SAPCD1: variants seen among roughly 807,000 people sequenced by gnomAD.
SAPCD1 encodes suppressor APC domain containing 1.
A neutral mutation model predicts 20.7 loss-of-function variants in SAPCD1; 16 were observed. The observed-to-expected ratio is 0.77, with a 90% CI of 0.52 to 1.17. SAPCD1 has a LOEUF of 1.17. Ranked by LOEUF, SAPCD1 falls within the 50% of genes most tolerant of loss-of-function variation. The pLI, the probability that SAPCD1 is intolerant of heterozygous loss-of-function variation, is 0.00. For missense variants in SAPCD1, 173 were observed against 209.9 expected (o/e 0.82, Z 1.09); for synonymous variants, 77 against 84.8 (o/e 0.91, Z 0.50).
In SAPCD1 at chr6:31,764,102, C is replaced by G. The variant is rs1236524662; in HGVS notation, c.294C>G (p.Pro98=). Residue 98 remains proline, a synonymous_variant, in exon 3 of 5, where the codon CCC becomes CCG. Coordinates refer to ENST00000415669, the Ensembl canonical transcript of SAPCD1. This position sits in a 1 kb window ranked among gnomAD's most constrained non-coding sequence, Gnocchi z 4.7. ...ATTTACACTCAGAGCCTGGTCGCCC[C>G]CCGTTAGCCCAGATTCAAAAGGTGA... 1.9e-6 allele frequency: 3 copies of G among 1,613,872 alleles called. No homozygotes were observed. The highest frequency in any genetic ancestry group is 8.5e-7 in the Non-Finnish European group (1 of 1,179,802).
chr6:31,763,342 G>A lies in SAPCD1; in HGVS notation c.115-73G>A. 1.9e-6 allele frequency: 3 copies of A among 1,589,672 alleles called. 1 individual carries two copies. The highest frequency in any genetic ancestry group is 8.6e-7 in the Non-Finnish European group (1 of 1,160,266). On this transcript the variant is annotated intron_variant, in intron 1 of 4. Transcript: ENST00000415669. This position sits in a 1 kb window ranked among gnomAD's most constrained non-coding sequence, Gnocchi z 4.9. ...TGACCACACAGTGAACCCAACTAGG[G>A]GTGGAGAGAAAGGGCCATAACCCAG... is the stretch of plus-strand genomic sequence containing the variant.
chr6:31,763,029 G>A lies in SAPCD1; in HGVS notation c.-26G>A. The A allele has an allele frequency of 1.4e-6, 2 of 1,416,700 alleles. No individual in the cohort carries two copies. The highest frequency in any genetic ancestry group is 2.0e-6 in the Non-Finnish European group (2 of 1,021,738). The allele number at this position is 1,416,700 out of a possible 1,614,324, so 87.8% of individuals were successfully genotyped here. A position where few individuals can be genotyped will look rare whatever the true frequency, so the allele number is the denominator to read the frequency against. ...CAGCCCGGGCTGCACCAGTGGGAGT[G>A]GCTCCACCCTTCCCACCTCAGAGCC... On this transcript the variant is annotated 5_prime_UTR_variant, in exon 1 of 5. Coordinates refer to ENST00000415669, the Ensembl canonical transcript of SAPCD1. This position sits in a 1 kb window ranked among gnomAD's most constrained non-coding sequence, Gnocchi z 4.9.
chr6:31,764,295 T>A lies in SAPCD1; in HGVS notation c.381T>A (p.Ser127Arg), dbSNP rs768640027. ...CCCCAAGTCCACTGAACAAGGCTAG[T>A]TCCTGCACCACCCAGGATTCAAAGG... The change falls in exon 4 of 5, where the codon AGT becomes AGA. Residue 127 changes from serine to arginine, a missense_variant. Transcript: ENST00000415669. The surrounding 1 kb of genome is among the most constrained non-coding windows in gnomAD (Gnocchi z 4.7). The A allele has an allele frequency of 1.2e-6, 2 of 1,614,184 alleles. No individual in the cohort carries two copies. The highest frequency in any genetic ancestry group is 1.7e-6 in the Non-Finnish European group (2 of 1,180,012).
In SAPCD1 at chr6:31,763,977, T is replaced by G; in HGVS notation, c.256-87T>G. On this transcript the variant is annotated intron_variant, in intron 2 of 4. Coordinates refer to ENST00000415669, the Ensembl canonical transcript of SAPCD1. The surrounding 1 kb of genome is among the most constrained non-coding windows in gnomAD (Gnocchi z 4.9). ...GGGTACTGGGACGAGGGGATCCAGA[T>G]GAGAGGGATGGCCTGTGGTGACAGG... 1.7e-5 allele frequency: 15 copies of G among 901,502 alleles called. No individual in the cohort carries two copies. Among genetic ancestry groups the G allele is most frequent in the Non-Finnish European group, 2.4e-5 (13 of 537,378 alleles). The allele number at this position is 901,502 out of a possible 1,614,324, so 55.8% of individuals were successfully genotyped here. A position where few individuals can be genotyped will look rare whatever the true frequency, so the allele number is the denominator to read the frequency against.
At position 31,763,708 on chromosome 6, in the gene SAPCD1, C is replaced by A; in HGVS notation, c.255+153C>A. On this transcript the variant is annotated intron_variant, in intron 2 of 4. Transcript: ENST00000415669. This position sits in a 1 kb window ranked among gnomAD's most constrained non-coding sequence, Gnocchi z 4.9. ...CAGCATCGTAATGACAGGATGCCAC[C>A]AAGTGTTAAGTTGGTGTTCATTGTT... 1 of 727,844 alleles carries A rather than the reference C, an allele frequency of 1.4e-6. No individual in the cohort carries two copies. The highest frequency in any genetic ancestry group is 2.2e-6 in the Non-Finnish European group (1 of 448,550). 45.1% of individuals were successfully genotyped at this position (727,844 alleles called of 1,614,324 possible). A position where few individuals can be genotyped will look rare whatever the true frequency, so the allele number is the denominator to read the frequency against.
In SAPCD1 at chr6:31,764,297, C is replaced by T. The variant is rs1472888883; in HGVS notation, c.383C>T (p.Ser128Phe). The change falls in exon 4 of 5, where the codon TCC (serine) becomes TTC (phenylalanine). Residue 128 changes from serine (S) to phenylalanine (F), a missense_variant. Transcript: ENST00000415669. The surrounding 1 kb of genome is among the most constrained non-coding windows in gnomAD (Gnocchi z 4.7). ...CCAAGTCCACTGAACAAGGCTAGTT[C>T]CTGCACCACCCAGGATTCAAAGGAA... 2 of 1,614,150 alleles carry T rather than the reference C, an allele frequency of 1.2e-6. No individual in the cohort carries two copies. The highest frequency in any genetic ancestry group is 1.7e-6 in the Non-Finnish European group (2 of 1,180,010).
rs1811219614 is a variant in SAPCD1 at position 31,763,518 on chromosome 6, C to T, written c.218C>T (p.Ala73Val). ...TGGTTTGAAGACCATCTGAGGGAGG[C>T]ACAGCGACAGCAGCTGCATCTAGGG... Residue 73 changes from alanine to valine, a missense_variant, in exon 2 of 5, where the codon GCA becomes GTA. Transcript: ENST00000415669. The surrounding 1 kb of genome is among the most constrained non-coding windows in gnomAD (Gnocchi z 4.9). 1 of 1,612,720 alleles carries T rather than the reference C, an allele frequency of 6.2e-7. No homozygotes were observed. The highest frequency in any genetic ancestry group is 8.5e-7 in the Non-Finnish European group (1 of 1,179,894).
Position 31,764,480 on chromosome 6 carries a change from G to A in SAPCD1, c.486G>A (p.Glu162=). ...AAGGAGTCACCCAGCCAAAGGAGGA[G>A]ATGGCTCAGCGGGGCTGCACCAAGG... The change falls in exon 5 of 5, where the codon GAG becomes GAA. Residue 162 remains glutamate (E), a synonymous_variant. Coordinates refer to ENST00000415669, the Ensembl canonical transcript of SAPCD1. The surrounding 1 kb of genome is among the most constrained non-coding windows in gnomAD (Gnocchi z 4.7). The A allele has an allele frequency of 6.2e-7, 1 of 1,614,148 alleles. No individual in the cohort carries two copies.
chr6:31,764,114 G>A lies in SAPCD1; in HGVS notation c.306G>A (p.Gln102=). Residue 102 remains glutamine (Q), a synonymous_variant, in exon 3 of 5, where the codon CAG becomes CAA. Transcript: ENST00000415669. This position sits in a 1 kb window ranked among gnomAD's most constrained non-coding sequence, Gnocchi z 4.7. ...AGCCTGGTCGCCCCCCGTTAGCCCA[G>A]ATTCAAAAGGTGAACATCTGTTTGC... 2 of 1,614,062 alleles carry A rather than the reference G, an allele frequency of 1.2e-6. No individual in the cohort carries two copies. The highest frequency in any genetic ancestry group is 1.7e-6 in the Non-Finnish European group (2 of 1,179,918).
chr6:31,763,526 C>T lies in SAPCD1; in HGVS notation c.226C>T (p.Gln76Ter), dbSNP rs139815351. 1.3e-3 allele frequency: 2,162 copies of T among 1,612,566 alleles called. 1 individual carries two copies. Among genetic ancestry groups the T allele is most frequent in the Non-Finnish European group, 1.7e-3 (2,029 of 1,179,802 alleles). ...AGACCATCTGAGGGAGGCACAGCGA[C>T]AGCAGCTGCATCTAGGGGCCCTTGG... Residue 76 changes from glutamine (Q) to a stop codon, truncating the protein, a stop_gained, in exon 2 of 5, where the codon CAG (glutamine) becomes TAG (stop). Transcript: ENST00000415669. LOFTEE classifies it high-confidence loss of function. The surrounding 1 kb of genome is among the most constrained non-coding windows in gnomAD (Gnocchi z 4.9).
At chr6:31,762,711 G>A (rs17201137), upstream of SAPCD1, 1,261 of 580,612 alleles carry the variant, frequency 2.2e-3, 4 homozygotes, top group Middle Eastern at 0.011. Context: ...CAAGAGACTA[G>A]GAAAGATCCA....
chr6:31,763,847 TG>T lies in SAPCD1; in HGVS notation c.256-216del. On this transcript the variant is annotated intron_variant, in intron 2 of 4. Transcript: ENST00000415669. The surrounding 1 kb of genome is among the most constrained non-coding windows in gnomAD (Gnocchi z 4.9). ...GGCAGGGATGGACAGGGAGGCTCCA[TG>T]AAGAGTAGTGAAAGGGGGTATTGTG... 1 of 604,108 alleles carries T rather than the reference TG, an allele frequency of 1.7e-6. No homozygotes were observed. Among genetic ancestry groups the T allele is most frequent in the African/African-American group, 1.9e-5 (1 of 53,972 alleles). The allele number at this position is 604,108 out of a possible 1,614,324, so 37.4% of individuals were successfully genotyped here.
Position 31,763,088 on chromosome 6 carries a change from G to C in SAPCD1, c.34G>C (p.Val12Leu). The C allele has an allele frequency of 1.9e-6, 3 of 1,573,826 alleles. No individual in the cohort carries two copies. The highest frequency in any genetic ancestry group is 2.6e-6 in the Non-Finnish European group (3 of 1,160,158). The change falls in exon 1 of 5, where the codon GTG (valine) becomes CTG (leucine). Residue 12 changes from valine to leucine, a missense_variant. Transcript: ENST00000415669. The surrounding 1 kb of genome is among the most constrained non-coding windows in gnomAD (Gnocchi z 4.9). ...CCAGGGCTCTGGCGGGGTGCCCTTG[G>C]TGCAGGCTCCCTACACAGTCCTGCT...
At position 31,764,345 on chromosome 6, in the gene SAPCD1, G is replaced by A. The variant is rs753111031; in HGVS notation, c.431G>A (p.Trp144Ter). 2 of 1,614,064 alleles carry A rather than the reference G, an allele frequency of 1.2e-6. No individual in the cohort carries two copies. Among genetic ancestry groups the A allele is most frequent in the Non-Finnish European group, 8.5e-7 (1 of 1,179,928 alleles). ...GAAAGACGAAGGGAGCAGAACTTGT[G>A]GCAGCAACAGGTAAACTTCAAGAAG... Residue 144 changes from tryptophan (W) to a stop codon, truncating the protein, a stop_gained, in exon 4 of 5, where the codon TGG becomes TAG. Coordinates refer to ENST00000415669, the Ensembl canonical transcript of SAPCD1. LOFTEE classifies it low-confidence loss of function (END_TRUNC). The surrounding 1 kb of genome is among the most constrained non-coding windows in gnomAD (Gnocchi z 4.7).
Position 31,763,141 on chromosome 6 carries a change from C to T in SAPCD1, c.87C>T (p.Asp29=), listed in dbSNP as rs1300084279. 3 of 1,567,200 alleles carry T rather than the reference C, an allele frequency of 1.9e-6. No homozygotes were observed. Among genetic ancestry groups the T allele is most frequent in the Non-Finnish European group, 2.6e-6 (3 of 1,162,356 alleles). Residue 29 remains aspartate, a synonymous_variant, in exon 1 of 5, where the codon GAC becomes GAT. Coordinates refer to ENST00000415669, the Ensembl canonical transcript of SAPCD1. The surrounding 1 kb of genome is among the most constrained non-coding windows in gnomAD (Gnocchi z 4.9). ...TGCCGCTGGGGACAAGCCGCCAAGA[C>T]CCAGGGGCCCAGAGCTTCTTCCTTT...
In SAPCD1 at chr6:31,763,391, A is replaced by G. The variant is rs1440694890; in HGVS notation, c.115-24A>G. ...AGAGCCCTACTGTGGCGTGAGAGTC[A>G]GCCTCTGTGATTGCCTTTCCCAGCT... On this transcript the variant is annotated intron_variant, in intron 1 of 4. Coordinates refer to ENST00000415669, the Ensembl canonical transcript of SAPCD1. This position sits in a 1 kb window ranked among gnomAD's most constrained non-coding sequence, Gnocchi z 4.9. 6.2e-7 allele frequency: 1 copy of G among 1,612,980 alleles called. No individual in the cohort carries two copies. The highest frequency in any genetic ancestry group is 1.7e-5 in the Admixed American group (1 of 60,026).
In SAPCD1 at chr6:31,764,544, C is replaced by A. The variant is rs745468681; in HGVS notation, c.*13C>A. On this transcript the variant is annotated 3_prime_UTR_variant, in exon 5 of 5. Transcript: ENST00000415669. This position sits in a 1 kb window ranked among gnomAD's most constrained non-coding sequence, Gnocchi z 4.7. The stretch of plus-strand genomic sequence containing the variant: ...TACCCGTGTCTAAACCCTCCTCTCA[C>A]TCCCCTAAGCCTGGTGAAAGAGTCA... The A allele has an allele frequency of 6.3e-7, 1 of 1,590,950 alleles. No homozygotes were observed. The highest frequency in any genetic ancestry group is 8.6e-7 in the Non-Finnish European group (1 of 1,161,266).
rs1287001185 is a variant in SAPCD1, at chr6:31,764,246, A to C, written c.352-20A>C. 2 of 1,610,988 alleles carry C rather than the reference A, an allele frequency of 1.2e-6. No individual in the cohort carries two copies. The highest frequency in any genetic ancestry group is 1.1e-5 in the South Asian group (1 of 91,028). On this transcript the variant is annotated intron_variant, in intron 3 of 4. Coordinates refer to ENST00000415669, the Ensembl canonical transcript of SAPCD1. The surrounding 1 kb of genome is among the most constrained non-coding windows in gnomAD (Gnocchi z 4.7). ...GGTCAGTGCTGGCTTAACAGAAAAC[A>C]CAGCGAATTTCCCCTCCAGTTCTCC... is the stretch of plus-strand genomic sequence containing the variant.
At position 31,763,963 on chromosome 6, in the gene SAPCD1, C is replaced by A; in HGVS notation, c.256-101C>A. ...CCACCTGCCTGGGAGGGTACTGGGA[C>A]GAGGGGATCCAGATGAGAGGGATGG... On this transcript the variant is annotated intron_variant, in intron 2 of 4. Transcript: ENST00000415669. This position sits in a 1 kb window ranked among gnomAD's most constrained non-coding sequence, Gnocchi z 4.9. 1 of 817,408 alleles carries A rather than the reference C, an allele frequency of 1.2e-6. No individual in the cohort carries two copies. The highest frequency in any genetic ancestry group is 2.4e-5 in the East Asian group (1 of 40,978). The allele number at this position is 817,408 out of a possible 1,614,324, so 50.6% of individuals were successfully genotyped here.
Sources: gnomAD v4.1 joint callset for allele counts on GRCh38, gnomAD v4.1.1 for gene constraint, Gnocchi (gnomAD v3.1) non-coding constraint, MANE v1.5 for transcripts, NCBI Gene and HGNC (gene_info 2026-07-23, HGNC 2026-07-21) for gene names.